Variants in SLC24A3 observed in about 807,000 individuals in gnomAD.
SLC24A3 encodes the protein solute carrier family 24 member 3.
Under a neutral mutation model 75.8 loss-of-function variants are expected in SLC24A3, and 28 were observed. The observed-to-expected ratio is 0.37, with a 90% CI of 0.27 to 0.51. The LOEUF (loss-of-function observed/expected upper bound fraction) is 0.51, where lower values mean the gene tolerates loss of function less well. SLC24A3 is among the 20% of genes least tolerant of loss of function. The pLI is 0.94. For synonymous variants in SLC24A3, 372 were observed against 334.1 expected, an observed-to-expected ratio of 1.11 and a Z score of -1.24; for missense variants, 663 against 847.8, an observed-to-expected ratio of 0.78 and a Z score of 2.71.
rs575872954 is a variant in SLC24A3 at position 19,713,043 on chromosome 20, G to A, written c.1720-4485G>A. Among the ~76,000 whole-genome samples, 17 of 152,348 alleles carry A rather than the reference G, an allele frequency of 1.1e-4. No homozygotes were observed. The South Asian group carries it at 3.5e-3, about 32-fold the overall frequency. ...ATGGTAGAGTTTGAGTTACATGGGTGTATGCATTTCTCAGAACCTGTTGAA... is the reference window on the plus strand; with the variant it reads ...ATGGTAGAGTTTGAGTTACATGGGTATATGCATTTCTCAGAACCTGTTGAA... On this transcript the variant is annotated intron_variant, in intron 15 of 16. Transcript: ENST00000328041.
At chr20:19,301,145 C>T (rs1163409159) in intron 2 of SLC24A3, among the ~76,000 whole-genome samples, 2 of 152,208 alleles carry the variant, frequency 1.3e-5, no homozygotes, top group Non-Finnish European at 2.9e-5. Flanking sequence ...GGCCTTTCCT[C>T]TCACTTTCTC....
intron 6 of SLC24A3, among the ~76,000 whole-genome samples, chr20:19,592,112 A>G (rs1380053417): frequency 6.6e-6 from 1 of 152,148 alleles, no homozygotes; most frequent in African/African-American, 2.4e-5. Flanking sequence ...ACCAGCACTT[A>G]GTATTATCAG....
intron 3 of SLC24A3, among the ~76,000 whole-genome samples, chr20:19,578,375 T>C (rs1448165058): frequency 6.6e-6 from 1 of 151,872 alleles, no homozygotes; most frequent in African/African-American, 2.4e-5. Context: ...CTGTCCCATC[T>C]CTTGGGTCGG....
chr20:19,245,930 T>C (rs1409605963), intron 1 of SLC24A3, among the ~76,000 whole-genome samples: 1 of 152,150 alleles, frequency 6.6e-6, no homozygotes, highest in Non-Finnish European at 1.5e-5. Context: ...TTTTGGTAAC[T>C]GAAAGATCAA....
intron 2 of SLC24A3, among the ~76,000 whole-genome samples, chr20:19,322,353 CCTT>C (rs1984729023): frequency 1.8e-5 from 1 of 55,664 alleles, no homozygotes; most frequent in African/African-American, 1.8e-4. Context: ...AGCCTTCTTT[CCTT>C]CCTTCCTTCC....
In SLC24A3 at chr20:19,217,050, CTT is replaced by C. The variant is rs565132577; in HGVS notation, c.142+4068_142+4069del. Among the ~76,000 whole-genome samples the C allele has an allele frequency of 1.2e-4, 19 of 152,354 alleles. 1 individual carries two copies. The South Asian group carries it at 3.9e-3, about 32-fold the overall frequency. On this transcript the variant is annotated intron_variant, in intron 1 of 16. Transcript: ENST00000328041. ...CACACGTGGCCTCTCCATGCGATCT[CTT>C]TATGTGGCTCACTTTGAACTCCCTG... is the stretch of plus-strand genomic sequence containing the variant.
chr20:19,577,473 AT>A, intron 3 of SLC24A3, among the ~76,000 whole-genome samples: 1 of 152,338 alleles, frequency 6.6e-6, no homozygotes, highest in African/African-American at 2.4e-5. Flanking sequence ...CTCCTCAGAA[AT>A]TAGTGAAGTA....
At chr20:19,393,845 G>T (rs2122392844) in intron 2 of SLC24A3, among the ~76,000 whole-genome samples, 1 of 152,222 alleles carries the variant, frequency 6.6e-6, no homozygotes, top group Non-Finnish European at 1.5e-5. Flanking sequence ...GTTTTTTGAA[G>T]AATTAGAAAA....
At chr20:19,475,560 C>G (rs1378523619) in intron 2 of SLC24A3, among the ~76,000 whole-genome samples, 1 of 152,036 alleles carries the variant, frequency 6.6e-6, no homozygotes, top group East Asian at 1.9e-4. Context: ...TATGCAGAAA[C>G]TAATAGTTCT....
At chr20:19,630,252 G>T (rs1452010755) in intron 6 of SLC24A3, among the ~76,000 whole-genome samples, 1 of 152,146 alleles carries the variant, frequency 6.6e-6, no homozygotes, top group Admixed American at 6.5e-5. Flanking sequence ...TGGAAAATAA[G>T]ATTAAGACAG....
At chr20:19,343,379 T>C (rs181513690) in intron 2 of SLC24A3, among the ~76,000 whole-genome samples, 3 of 152,270 alleles carry the variant, frequency 2.0e-5, no homozygotes, top group East Asian at 3.9e-4. Context: ...GTGTAATATG[T>C]GGATAATAAA....
chr20:19,302,903 A>T (rs1283361982), intron 2 of SLC24A3, among the ~76,000 whole-genome samples: 2 of 152,076 alleles, frequency 1.3e-5, no homozygotes, highest in African/African-American at 4.8e-5. Context: ...CGTCACCCTA[A>T]GTTTTCAAGC....
chr20:19,665,792 CGTGTGTGTGTGTGT>C lies in SLC24A3; in HGVS notation c.688-45_688-32del, dbSNP rs58371474. 2.1e-4 allele frequency: 248 copies of C among 1,203,264 alleles called. 1 individual carries two copies. The highest frequency in any genetic ancestry group is 8.0e-4 in the Admixed American group (30 of 37,454). The allele number at this position is 1,203,264 out of a possible 1,614,324, so 74.5% of individuals were successfully genotyped here. On this transcript the variant is annotated intron_variant, in intron 7 of 16. Transcript: ENST00000328041. ...GTGGATACTGCGTGCAGCCTTAAAG[CGTGTGTGTGTGTGT>C]GTGTGTGTGTGTGTGTGTGTGTGTG...
intron 1 of SLC24A3, among the ~76,000 whole-genome samples, chr20:19,263,462 G>T (rs1983060811): frequency 6.6e-6 from 1 of 152,212 alleles, no homozygotes; most frequent in East Asian, 1.9e-4. Flanking sequence ...TTAGGCAAAT[G>T]CCTAATCAAT....
At chr20:19,543,549 C>G (rs988293989) in intron 3 of SLC24A3, among the ~76,000 whole-genome samples, 3 of 152,046 alleles carry the variant, frequency 2.0e-5, no homozygotes, top group African/African-American at 4.8e-5. Flanking sequence ...GCTGCCAGGC[C>G]GGGGAGGGAG....
chr20:19,566,840 G>A (rs1387462392), intron 3 of SLC24A3, among the ~76,000 whole-genome samples: 2 of 152,022 alleles, frequency 1.3e-5, no homozygotes, highest in African/African-American at 4.8e-5. Flanking sequence ...CAGTGAGAGG[G>A]GATTTCACTT....
intron 3 of SLC24A3, among the ~76,000 whole-genome samples, chr20:19,571,002 T>A (rs1395026845): frequency 6.6e-6 from 1 of 151,964 alleles, no homozygotes; most frequent in African/African-American, 2.4e-5. Context: ...GCTGTAGACG[T>A]TCCTCAAGTA....
rs565695383 is a variant in SLC24A3, at chr20:19,535,171, T to C, written c.348+19607T>C. 2.4e-4 allele frequency among the ~76,000 whole-genome samples: 36 copies of C among 152,372 alleles called. No homozygotes were observed. In the South Asian group the frequency reaches 6.8e-3, roughly 29 times the overall value. ...CTCAGCTCAGCTCTCAAAGGAGTGA[T>C]ATTGTATCAGTTAGCTTTTGCTGTG... On this transcript the variant is annotated intron_variant, in intron 3 of 16. Coordinates refer to ENST00000328041, the MANE Select transcript of SLC24A3 (RefSeq NM_020689.4).
intron 3 of SLC24A3, among the ~76,000 whole-genome samples, chr20:19,516,406 C>T (rs763379268): frequency 1.3e-5 from 2 of 152,226 alleles, no homozygotes; most frequent in Admixed American, 6.5e-5. Flanking sequence ...AGTTATTTAT[C>T]GCTGTGAAGC....
Sources: allele counts gnomAD v4.1 joint callset (sites outside exome capture counted in the v4.1 genomes callset), GRCh38; gene constraint gnomAD v4.1.1; transcripts MANE v1.5; gene names NCBI Gene and HGNC (gene_info 2026-07-23, HGNC 2026-07-21).